The following MDGA2 variants were observed in gnomAD, a reference collection of about 807,000 sequenced individuals.
MDGA2 encodes the protein MAM domain-containing glycosylphosphatidylinositol anchor protein 2.
MDGA2 carries 40 observed loss-of-function variants against 117.8 expected under a neutral mutation model. That is an observed-to-expected ratio of 0.34 (90% confidence interval 0.26 to 0.44). MDGA2 has a LOEUF of 0.44. MDGA2 is among the 20% of genes least tolerant of loss of function. MDGA2 has a pLI of 1.00. For missense variants in MDGA2, 1,123 were observed against 1,250.6 expected (o/e 0.90, Z 1.54); for synonymous variants, 452 against 439.0 (o/e 1.03, Z -0.37).
chr14:47,107,871 A>G (rs1880808190), intron 5 of MDGA2, among the ~76,000 whole-genome samples: 1 of 151,570 alleles, frequency 6.6e-6, no homozygotes, highest in Non-Finnish European at 1.5e-5. Flanking sequence ...GGCCCTCAAA[A>G]TAAGTAGAGG....
intron 1 of MDGA2, among the ~76,000 whole-genome samples, chr14:47,576,054 T>A (rs900984658): frequency 6.6e-6 from 1 of 152,140 alleles, no homozygotes; most frequent in African/African-American, 2.4e-5. Flanking sequence ...CCAACTCCAG[T>A]TTCCTAGAAG....
At chr14:47,603,867 G>A (rs565008121) in intron 1 of MDGA2, among the ~76,000 whole-genome samples, 19 of 152,230 alleles carry the variant, frequency 1.2e-4, no homozygotes, top group African/African-American at 3.1e-4. Context: ...GTGAGTTCAC[G>A]CAAGATCTGG....
At chr14:47,596,800 C>T (rs895287900) in intron 1 of MDGA2, among the ~76,000 whole-genome samples, 1 of 151,718 alleles carries the variant, frequency 6.6e-6, no homozygotes, top group Admixed American at 6.6e-5. Context: ...TTTGTTATTC[C>T]CCTTTGTGCA....
In MDGA2 at chr14:46,883,776, T is replaced by C. The variant is rs147124459; in HGVS notation, c.2239-1555A>G. ...AGGTAATCCACAGCTTTGTTTGCTA[T>C]TGTAAATTGTAACTTTTAAGCTATT... On this transcript the variant is annotated intron_variant, in intron 10 of 16. Coordinates refer to ENST00000399232, the MANE Select transcript of MDGA2 (RefSeq NM_001113498.3). Among the ~76,000 whole-genome samples the C allele has an allele frequency of 2.0e-3, 303 of 152,242 alleles. 2 individuals are homozygous for C. The highest frequency in any genetic ancestry group is 6.7e-3 in the African/African-American group (277 of 41,582).
intron 6 of MDGA2, among the ~76,000 whole-genome samples, chr14:47,067,418 T>C (rs1890125417): frequency 6.6e-6 from 1 of 152,184 alleles, no homozygotes. Context: ...CTTATGAGCA[T>C]CACGAAATAA....
At position 47,661,399 on chromosome 14, in the gene MDGA2, A is replaced by G. The variant is rs534591924; in HGVS notation, c.280+13118T>C. Among the ~76,000 whole-genome samples the G allele has an allele frequency of 6.6e-5, 10 of 152,314 alleles. No homozygotes were observed. The South Asian group carries it at 1.9e-3, about 28-fold the overall frequency. Reference sequence around the variant, plus strand: ...GCACTTGATAAATGGCAATTATTTTATGAAAAATTACTATATCTCATCTTT... The same window carrying G: ...GCACTTGATAAATGGCAATTATTTTGTGAAAAATTACTATATCTCATCTTT... On this transcript the variant is annotated intron_variant, in intron 1 of 16. Coordinates refer to ENST00000399232, the MANE Select transcript of MDGA2 (RefSeq NM_001113498.3).
chr14:47,359,748 CA>C (rs71448198), intron 1 of MDGA2, among the ~76,000 whole-genome samples: 13,358 of 110,062 alleles, frequency 0.12, 419 homozygotes, highest in East Asian at 0.19. Context: ...AAGACTGTCT[CA>C]AAAAAAAAAA....
chr14:47,469,701 T>C (rs540240282), intron 1 of MDGA2, among the ~76,000 whole-genome samples: 2 of 152,148 alleles, frequency 1.3e-5, no homozygotes, highest in Admixed American at 1.3e-4. Context: ...ATGGTATTTT[T>C]AGTTCAAGAT....
intron 10 of MDGA2, among the ~76,000 whole-genome samples, chr14:46,902,925 A>C (rs748992207): frequency 6.6e-6 from 1 of 152,196 alleles, no homozygotes; most frequent in Non-Finnish European, 1.5e-5. Flanking sequence ...TTCATAACCT[A>C]ATGATAGATG....
intron 1 of MDGA2, among the ~76,000 whole-genome samples, chr14:47,445,394 AAT>A (rs1278902152): frequency 3.3e-5 from 5 of 152,176 alleles, no homozygotes; most frequent in Admixed American, 6.6e-5. Flanking sequence ...TTGTTCAGAG[AAT>A]AAGCATCTAT....
chr14:46,878,084 G>A (rs865805604), intron 11 of MDGA2, among the ~76,000 whole-genome samples: 3 of 151,986 alleles, frequency 2.0e-5, no homozygotes, highest in South Asian at 2.1e-4. Context: ...ATATACACGT[G>A]TGCATGCACA....
chr14:47,101,130 T>C (rs373712703), intron 5 of MDGA2, among the ~76,000 whole-genome samples: 3 of 122,768 alleles, frequency 2.4e-5, no homozygotes, highest in Non-Finnish European at 3.7e-5. Flanking sequence ...GATAGACAGA[T>C]AGATAGAAAG....
chr14:47,625,853 T>C (rs1566547236), intron 1 of MDGA2, among the ~76,000 whole-genome samples: 1 of 152,230 alleles, frequency 6.6e-6, no homozygotes, highest in African/African-American at 2.4e-5. Context: ...GGAAAAATTC[T>C]TAACCTTAAT....
intron 1 of MDGA2, among the ~76,000 whole-genome samples, chr14:47,370,370 G>T (rs2138389743): frequency 6.8e-6 from 1 of 147,410 alleles, no homozygotes; most frequent in Non-Finnish European, 1.5e-5. Flanking sequence ...TGGAGGGAGA[G>T]ATTTAACATA....
At chr14:47,208,983 G>A (rs7157343) in intron 3 of MDGA2, among the ~76,000 whole-genome samples, 79,381 of 151,518 alleles carry the variant, frequency 0.52, 22,629 homozygotes, top group African/African-American at 0.74. Flanking sequence ...ACGTTTGCTC[G>A]GGAATGGATA....
intron 1 of MDGA2, among the ~76,000 whole-genome samples, chr14:47,331,172 C>T (rs1224911487): frequency 1.6e-5 from 1 of 63,364 alleles, no homozygotes; most frequent in African/African-American, 4.9e-5. Context: ...CATATATCTA[C>T]ATAAACATAC....
intron 6 of MDGA2, among the ~76,000 whole-genome samples, chr14:47,081,221 T>G (rs1318810387): frequency 1.3e-5 from 2 of 152,114 alleles, no homozygotes; most frequent in Non-Finnish European, 2.9e-5. Context: ...AAAAAAAAGT[T>G]GTAGCTCTTA....
At chr14:47,101,605 A>G (rs1401436681) in intron 5 of MDGA2, among the ~76,000 whole-genome samples, 4 of 152,260 alleles carry the variant, frequency 2.6e-5, no homozygotes, top group Non-Finnish European at 5.9e-5. Context: ...CAGTCCCACA[A>G]TGGTGGAATG....
At chr14:47,059,563 T>C (rs2138776015) in intron 7 of MDGA2, among the ~76,000 whole-genome samples, 1 of 152,198 alleles carries the variant, frequency 6.6e-6, no homozygotes, top group East Asian at 1.9e-4. Context: ...CTAGTATGTT[T>C]AAAAATAAAT....
Sources: gnomAD v4.1 joint callset for allele counts (sites outside exome capture counted in the v4.1 genomes callset) on GRCh38, gnomAD v4.1.1 for gene constraint, MANE v1.5 for transcripts, NCBI Gene and HGNC (gene_info 2026-07-23, HGNC 2026-07-21) for gene names.